RNF24: variants seen among roughly 807,000 people sequenced by gnomAD.
RNF24 encodes ring finger protein 24.
RNF24 carries 14 observed loss-of-function variants against 20.0 expected under a neutral mutation model. The observed-to-expected ratio is 0.70, with a 90% CI of 0.46 to 1.10. The LOEUF is 1.10. Among genes scored for constraint, RNF24 ranks in the 50% least tolerant of loss-of-function variants. The pLI is 0.00. For missense variants in RNF24, 124 were observed against 177.6 expected (o/e 0.70, Z 1.71); for synonymous variants, 45 against 61.1 (o/e 0.74, Z 1.23).
chr20:3,996,079 T>G (rs1319446140), intron 1 of RNF24, among the ~76,000 whole-genome samples: 1 of 152,224 alleles, frequency 6.6e-6, no homozygotes, highest in Non-Finnish European at 1.5e-5. Flanking sequence ...GAATGAATGA[T>G]GAGTGCCTCA....
chr20:3,952,582 G>GTT lies in RNF24; in HGVS notation c.144-4305_144-4304dup, dbSNP rs60466405. On this transcript the variant is annotated intron_variant, in intron 2 of 5. Transcript: ENST00000358395. ...CACTTTTCTTTTATTCTTTTTTCCCGTTTTTTTTTTTTTGCACTGACTAGC... is the reference window on the plus strand; with the variant it reads ...CACTTTTCTTTTATTCTTTTTTCCCGTTTTTTTTTTTTTTTGCACTGACTAGC... Among the ~76,000 whole-genome samples, 1,058 of 135,596 alleles carry GTT rather than the reference G, an allele frequency of 7.8e-3. 15 individuals carry two copies. Among genetic ancestry groups the GTT allele is most frequent in the African/African-American group, 0.023 (874 of 37,412 alleles). 89.0% of individuals were successfully genotyped at this position (135,596 alleles called of 152,430 possible).
At chr20:3,956,964 T>C (rs963002485) in intron 2 of RNF24, among the ~76,000 whole-genome samples, 8 of 151,778 alleles carry the variant, frequency 5.3e-5, no homozygotes, top group South Asian at 4.1e-4. Flanking sequence ...CTGAGGAACA[T>C]AGTGGGACTC....
At chr20:3,948,046 C>CAA (rs368947234) in intron 3 of RNF24, among the ~76,000 whole-genome samples, 191 bp downstream of exon 3, 5 of 92,326 alleles carry the variant, frequency 5.4e-5, no homozygotes, top group Non-Finnish European at 6.9e-5. Context: ...AACTCCGTCT[C>CAA]AAAAAAAAAA....
Position 3,931,071 on chromosome 20 carries a change from T to C in RNF24, c.*2992A>G, listed in dbSNP as rs1412820497. On this transcript the variant is annotated 3_prime_UTR_variant, in exon 6 of 6. Transcript: ENST00000358395. Reference sequence around the variant, plus strand: ...GACCCAACCAGGAATCAAGTCAGGCTGGTTTTGTTCCCTGTTTCTGAAGGC... The same window carrying C: ...GACCCAACCAGGAATCAAGTCAGGCCGGTTTTGTTCCCTGTTTCTGAAGGC... 6.6e-6 allele frequency: 1 copy of C among 152,278 alleles called. No individual in the cohort carries two copies. The highest frequency in any genetic ancestry group is 2.4e-5 in the African/African-American group (1 of 41,460). 9.4% of individuals were successfully genotyped at this position (152,278 alleles called of 1,614,324 possible). A position where few individuals can be genotyped will look rare whatever the true frequency, so the allele number is the denominator to read the frequency against.
intron 1 of RNF24, among the ~76,000 whole-genome samples, chr20:3,994,556 A>C (rs1016931625): frequency 6.6e-6 from 1 of 152,222 alleles, no homozygotes; most frequent in African/African-American, 2.4e-5. Flanking sequence ...GAAGGCACTA[A>C]ATTTTCTCTA....
At position 4,006,103 on chromosome 20, in the gene RNF24, G is replaced by A. The variant is rs541438610; in HGVS notation, c.-8+9334C>T. 1.8e-4 allele frequency among the ~76,000 whole-genome samples: 27 copies of A among 152,316 alleles called. No homozygotes were observed. In the East Asian group the frequency reaches 5.2e-3, roughly 29 times the overall value. ...TAGAATCTATGGTTTATGGCTAGGTGTGGTGGCTCACATTTGTAATCCCCG... is the reference window on the plus strand; with the variant it reads ...TAGAATCTATGGTTTATGGCTAGGTATGGTGGCTCACATTTGTAATCCCCG... On this transcript the variant is annotated intron_variant, in intron 1 of 5. Transcript: ENST00000358395.
At chr20:3,940,919 T>C (rs1302425150) in intron 4 of RNF24, among the ~76,000 whole-genome samples, 1 of 152,192 alleles carries the variant, frequency 6.6e-6, no homozygotes, top group African/African-American at 2.4e-5. Flanking sequence ...AAGTTCATTA[T>C]GAAGATAAAA....
chr20:4,008,305 C>A (rs2122152559), intron 1 of RNF24, among the ~76,000 whole-genome samples: 1 of 117,232 alleles, frequency 8.5e-6, no homozygotes, highest in South Asian at 2.4e-4. Context: ...TGCAAGACTG[C>A]AAATATATAT....
intron 1 of RNF24, among the ~76,000 whole-genome samples, chr20:3,992,302 T>C (rs1980512872): frequency 6.6e-6 from 1 of 152,208 alleles, no homozygotes; most frequent in South Asian, 2.1e-4. Context: ...GAGGCTACTT[T>C]AGTAAAGCAG....
chr20:3,942,835 A>G (rs1240705873), intron 4 of RNF24, among the ~76,000 whole-genome samples: 7 of 136,774 alleles, frequency 5.1e-5, no homozygotes, highest in Admixed American at 3.0e-4. Context: ...TTTTTTTTTG[A>G]GATAGTGTTT....
intron 1 of RNF24, among the ~76,000 whole-genome samples, chr20:3,981,663 G>A (rs748406386): frequency 2.5e-4 from 38 of 151,820 alleles, no homozygotes; most frequent in Non-Finnish European, 4.7e-4. Context: ...GCACCATCAT[G>A]CCCAGCTAAT....
At chr20:3,989,105 T>C (rs375600067) in intron 1 of RNF24, among the ~76,000 whole-genome samples, 2 of 152,100 alleles carry the variant, frequency 1.3e-5, no homozygotes, top group African/African-American at 4.8e-5. Flanking sequence ...ACTGACAGGG[T>C]TTGTCTTTTC....
rs182583837 is a variant in RNF24, at chr20:4,003,123, C to T, written c.-8+12314G>A. ...TAGCTGGGATTATAGGCGCCTGCCACGGCGCCCGGCTAATTTTTTTGTATT... is the reference window on the plus strand; with the variant it reads ...TAGCTGGGATTATAGGCGCCTGCCATGGCGCCCGGCTAATTTTTTTGTATT... On this transcript the variant is annotated intron_variant, in intron 1 of 5. Transcript: ENST00000358395. Among the ~76,000 whole-genome samples the T allele has an allele frequency of 2.8e-3, 420 of 152,250 alleles. 1 individual carries two copies. Among genetic ancestry groups the T allele is most frequent in the African/African-American group, 9.7e-3 (404 of 41,538 alleles).
chr20:3,968,570 A>G (rs1016753628), intron 1 of RNF24, among the ~76,000 whole-genome samples: 2 of 152,202 alleles, frequency 1.3e-5, no homozygotes, highest in African/African-American at 4.8e-5. Flanking sequence ...GTGAGCTATG[A>G]TATCACTGCT....
intron 1 of RNF24, among the ~76,000 whole-genome samples, chr20:3,977,071 T>C (rs1978928676): frequency 6.6e-6 from 1 of 152,104 alleles, no homozygotes. Context: ...ATATTAGAAC[T>C]GTATATCCAG....
At chr20:4,005,046 AGTAAAGAG>A (rs939290921) in intron 1 of RNF24, among the ~76,000 whole-genome samples, 1 of 152,208 alleles carries the variant, frequency 6.6e-6, no homozygotes, top group African/African-American at 2.4e-5. Flanking sequence ...ACATCTGAAT[AGTAAAGAG>A]ACTGTATTCT....
chr20:3,947,215 C>T (rs2091029838), intron 3 of RNF24, among the ~76,000 whole-genome samples: 2 of 151,028 alleles, frequency 1.3e-5, no homozygotes, highest in Admixed American at 1.3e-4. Flanking sequence ...AAACAAGATA[C>T]GCAGTTCTGA....
intron 1 of RNF24, among the ~76,000 whole-genome samples, chr20:3,983,940 CAAAAAAAAA>C (rs56680870): frequency 0.01 from 687 of 65,710 alleles, 7 homozygotes; most frequent in African/African-American, 0.04. Context: ...GACTTGGTCT[CAAAAAAAAA>C]AAAAAAAAAA....
chr20:3,927,665 C>T lies in RNF24; in HGVS notation c.*6398G>A, dbSNP rs1321873271. 2 of 152,254 alleles carry T rather than the reference C, an allele frequency of 1.3e-5. No homozygotes were observed. The highest frequency in any genetic ancestry group is 2.9e-5 in the Non-Finnish European group (2 of 68,048). The allele number at this position is 152,254 out of a possible 1,614,324, so 9.4% of individuals were successfully genotyped here. ...ACCAGCAACACTCTAGGAAGACCAG[C>T]TGTCACCAGAAGGGAGTTCCTAACA... is the stretch of plus-strand genomic sequence containing the variant. On this transcript the variant is annotated 3_prime_UTR_variant, in exon 6 of 6. Transcript: ENST00000358395.
Sources: allele counts gnomAD v4.1 joint callset (sites outside exome capture counted in the v4.1 genomes callset), GRCh38; gene constraint gnomAD v4.1.1; transcripts MANE v1.5; gene names NCBI Gene and HGNC (gene_info 2026-07-23, HGNC 2026-07-21).